Variants in ARHGAP39 observed in about 807,000 individuals in gnomAD.
The protein encoded by ARHGAP39 is Rho GTPase activating protein 39.
ARHGAP39 carries 44 observed loss-of-function variants against 106.9 expected under a neutral mutation model. That is an observed-to-expected ratio of 0.41 (90% CI 0.32 to 0.53). ARHGAP39 has a LOEUF of 0.53. Ranked by LOEUF, ARHGAP39 falls within the 20% of genes least tolerant of loss-of-function variation. The pLI is 0.21. For synonymous variants in ARHGAP39, 768 were observed against 693.2 expected, an observed-to-expected ratio of 1.11 and a Z score of -1.69; for missense variants, 1,496 against 1,577.3, an observed-to-expected ratio of 0.95 and a Z score of 0.87.
intron 2 of ARHGAP39, among the ~76,000 whole-genome samples, chr8:144,581,541 T>C (rs1334399155): frequency 1.3e-5 from 2 of 152,226 alleles, no homozygotes; most frequent in Non-Finnish European, 2.9e-5. Context: ...ATACTGGCTG[T>C]GGTTGCAGGC....
At chr8:144,562,404 G>GGACT (rs1818219220) in intron 3 of ARHGAP39, among the ~76,000 whole-genome samples, 1 of 143,074 alleles carries the variant, frequency 7.0e-6, no homozygotes, top group African/African-American at 2.7e-5. Context: ...GGTTTCCATC[G>GGACT]CGCTCCAGTG....
Position 144,604,297 on chromosome 8 carries a change from G to A in ARHGAP39, c.80+1238C>T, listed in dbSNP as rs1162371909. Reference sequence around the variant, plus strand: ...ATGGACAGCAGTGTCTGCAGATGCGGGGCCCGGGAGGACCCAACACCACCT... The same window carrying A: ...ATGGACAGCAGTGTCTGCAGATGCGAGGCCCGGGAGGACCCAACACCACCT... On this transcript the variant is annotated intron_variant, in intron 2 of 11. Transcript: ENST00000377307. This position sits in a 1 kb window ranked among gnomAD's most constrained non-coding sequence, Gnocchi z 4.1. Among the ~76,000 whole-genome samples the A allele has an allele frequency of 6.6e-6, 1 of 152,200 alleles. No individual in the cohort carries two copies. The highest frequency in any genetic ancestry group is 1.5e-5 in the Non-Finnish European group (1 of 68,028).
intron 2 of ARHGAP39, among the ~76,000 whole-genome samples, chr8:144,598,114 G>T (rs1819692849): frequency 6.6e-6 from 1 of 152,186 alleles, no homozygotes; most frequent in South Asian, 2.1e-4. Context: ...GCCCGGGGAA[G>T]TCCAGAGGGC....
At chr8:144,629,998 A>G (rs1334510108) in intron 1 of ARHGAP39, among the ~76,000 whole-genome samples, 2 of 152,168 alleles carry the variant, frequency 1.3e-5, no homozygotes, top group Non-Finnish European at 2.9e-5. Context: ...CCACAAGGGC[A>G]ACTTCTTACT....
At chr8:144,556,095 C>A (rs1320317786) in intron 3 of ARHGAP39, among the ~76,000 whole-genome samples, 4 of 152,056 alleles carry the variant, frequency 2.6e-5, no homozygotes, top group Non-Finnish European at 5.9e-5. Flanking sequence ...ACCATCCTGG[C>A]TAACATGGTG....
chr8:144,660,822 A>G (rs1821803143), intron 1 of ARHGAP39, among the ~76,000 whole-genome samples: 1 of 152,142 alleles, frequency 6.6e-6, no homozygotes, highest in South Asian at 2.1e-4. Flanking sequence ...TCTACTAAAA[A>G]TACAAAAAAA....
At chr8:144,609,834 C>G (rs188164883) in intron 1 of ARHGAP39, among the ~76,000 whole-genome samples, 20 of 152,154 alleles carry the variant, frequency 1.3e-4, no homozygotes, top group Admixed American at 1.1e-3. Context: ...CAGAGTAATA[C>G]CAGCATAACA....
rs369443700 is a variant in ARHGAP39 at position 144,605,661 on chromosome 8, C to T, written c.-47G>A. The T allele has an allele frequency of 2.0e-5, 32 of 1,584,876 alleles. No individual in the cohort carries two copies. The highest frequency in any genetic ancestry group is 6.6e-5 in the South Asian group (6 of 90,578). On this transcript the variant is annotated 5_prime_UTR_variant, in exon 2 of 12. Coordinates refer to ENST00000377307, the MANE Select transcript of ARHGAP39 (RefSeq NM_025251.3). ...CGTGGACAGACGTCAGGGCACCATA[C>T]GCACAACGCCAGCATCAGACGGGAA...
In ARHGAP39 at chr8:144,582,245, C is replaced by CT. The variant is rs1411080245; in HGVS notation, c.81-969dup. ...CAGGTCAAGGACAGAAAGAGCCCCC[C>CT]TGGCGGCCGGCGCAGACTGGCTGCG... is the stretch of plus-strand genomic sequence containing the variant. On this transcript the variant is annotated intron_variant, in intron 2 of 11. Transcript: ENST00000377307. Among the ~76,000 whole-genome samples the CT allele has an allele frequency of 3.3e-5, 5 of 152,248 alleles. No homozygotes were observed. The East Asian group carries it at 9.7e-4, about 29-fold the overall frequency.
chr8:144,695,854 C>T, the ARHGAP39 span, among the ~76,000 whole-genome samples: 1 of 152,186 alleles, frequency 6.6e-6, no homozygotes. Flanking sequence ...TATTGCTCGC[C>T]ACAGTATCTT....
intron 3 of ARHGAP39, 56 bp from the exon 4 acceptor site, chr8:144,555,699 C>T: frequency 6.9e-7 from 1 of 1,457,628 alleles, no homozygotes; most frequent in Non-Finnish European, 9.6e-7. Flanking sequence ...TTTACCATAA[C>T]CAGCCACTCC....
At chr8:144,700,029 C>T in the ARHGAP39 span, among the ~76,000 whole-genome samples, 1 of 152,188 alleles carries the variant, frequency 6.6e-6, no homozygotes, top group Non-Finnish European at 1.5e-5. The surrounding 1 kb of genome is among the most constrained non-coding windows in gnomAD (Gnocchi z 5.6). Context: ...AAACAGTCGG[C>T]GACCCGGCCA....
intron 2 of ARHGAP39, chr8:144,584,021 A>G (rs1249242579): frequency 6.6e-6 from 1 of 152,258 alleles, no homozygotes; most frequent in Non-Finnish European, 1.5e-5. Flanking sequence ...ACTTAATGAC[A>G]AGGAAGGACT....
chr8:144,598,559 G>C (rs1026551058), intron 2 of ARHGAP39, among the ~76,000 whole-genome samples: 2 of 152,216 alleles, frequency 1.3e-5, no homozygotes, highest in Admixed American at 1.3e-4. Context: ...AGCACAGGCA[G>C]CCTCAGCCTC....
intron 1 of ARHGAP39, among the ~76,000 whole-genome samples, chr8:144,634,166 G>C (rs1280735559): frequency 2.0e-5 from 3 of 150,998 alleles, no homozygotes; most frequent in Middle Eastern, 6.3e-3. Context: ...CTCTGCAGGC[G>C]CAGTCTCCAC....
At chr8:144,559,691 AAG>A (rs1421731384) in intron 3 of ARHGAP39, among the ~76,000 whole-genome samples, 1 of 152,228 alleles carries the variant, frequency 6.6e-6, no homozygotes, top group Non-Finnish European at 1.5e-5. Flanking sequence ...TTGGGATCGG[AAG>A]AGTTTTGGAT....
At chr8:144,606,907 G>C (rs184467759) in intron 1 of ARHGAP39, among the ~76,000 whole-genome samples, 6 of 149,008 alleles carry the variant, frequency 4.0e-5, no homozygotes. Flanking sequence ...ATCTTAATTG[G>C]ACACACACAA....
At chr8:144,606,666 G>A (rs1261520604) in intron 1 of ARHGAP39, among the ~76,000 whole-genome samples, 1 of 152,094 alleles carries the variant, frequency 6.6e-6, no homozygotes, top group Non-Finnish European at 1.5e-5. Context: ...AGGAGGAGGA[G>A]GAAAGTAAGA....
chr8:144,581,353 C>G, intron 2 of ARHGAP39, 76 bp from the exon 3 acceptor site: 9 of 1,414,060 alleles, frequency 6.4e-6, no homozygotes, highest in African/African-American at 4.3e-5. Context: ...CAGACCCCGG[C>G]TCCAGCCCCA....
Sources: gnomAD v4.1 joint callset for allele counts (sites outside exome capture counted in the v4.1 genomes callset) on GRCh38, gnomAD v4.1.1 for gene constraint, Gnocchi (gnomAD v3.1) non-coding constraint, MANE v1.5 for transcripts, NCBI Gene and HGNC (gene_info 2026-07-23, HGNC 2026-07-21) for gene names.